The following MCC variants were observed in gnomAD, a reference collection of about 807,000 sequenced individuals.
MCC encodes colorectal mutant cancer protein.
MCC carries 90 observed loss-of-function variants against 116.2 expected under a neutral mutation model. That is an observed-to-expected ratio of 0.77 (90% CI 0.65 to 0.92). MCC has a LOEUF of 0.92. Among genes scored for constraint, MCC ranks in the 40% least tolerant of loss-of-function variants. The pLI is 0.00. For missense variants in MCC, 1,516 were observed against 1,312.2 expected (o/e 1.16, Z -2.40); for synonymous variants, 578 against 510.5 (o/e 1.13, Z -1.78).
intron 1 of MCC, among the ~76,000 whole-genome samples, chr5:113,405,006 T>G (rs992409423): frequency 2.0e-5 from 3 of 152,252 alleles, no homozygotes; most frequent in Non-Finnish European, 2.9e-5. Flanking sequence ...AGAAGCCTAC[T>G]CTGCCACTAA....
At chr5:113,274,784 G>A (rs1029831525) in intron 3 of MCC, among the ~76,000 whole-genome samples, 1 of 152,138 alleles carries the variant, frequency 6.6e-6, no homozygotes, top group African/African-American at 2.4e-5. Context: ...GGTGGGCTAT[G>A]GAATCACTAA....
chr5:113,294,596 C>A, intron 3 of MCC: 1 of 1,204,434 alleles, frequency 8.3e-7, no homozygotes, highest in Non-Finnish European at 1.0e-6. Context: ...CGAGCCATTG[C>A]TGCAGGAGGC....
intron 3 of MCC, among the ~76,000 whole-genome samples, chr5:113,278,839 CTCT>C (rs1256301407): frequency 6.6e-6 from 1 of 152,204 alleles, no homozygotes. Flanking sequence ...CAGCTGAATG[CTCT>C]TCTTGAAACC....
chr5:113,150,816 C>G (rs1175116908), intron 4 of MCC, among the ~76,000 whole-genome samples: 1 of 152,170 alleles, frequency 6.6e-6, no homozygotes, highest in East Asian at 1.9e-4. Flanking sequence ...AATCCCAGCA[C>G]TTTAGAAGGC....
chr5:113,338,144 T>A (rs1767915234), intron 3 of MCC, among the ~76,000 whole-genome samples: 1 of 152,146 alleles, frequency 6.6e-6, no homozygotes, highest in Admixed American at 6.5e-5. Flanking sequence ...TACTTTTCCA[T>A]TTGGTGAGGA....
At chr5:113,295,751 T>C (rs1462204552) in intron 3 of MCC, among the ~76,000 whole-genome samples, 1 of 152,182 alleles carries the variant, frequency 6.6e-6, no homozygotes, top group African/African-American at 2.4e-5. Flanking sequence ...ACTAGGATTT[T>C]TCTCTCCACA....
chr5:113,451,966 C>A (rs1295769600), intron 1 of MCC, among the ~76,000 whole-genome samples: 2 of 152,234 alleles, frequency 1.3e-5, no homozygotes, highest in Admixed American at 1.3e-4. Context: ...CTGGAATGAT[C>A]AAGATGGCTT....
At chr5:113,452,710 T>C (rs1038794049) in intron 1 of MCC, among the ~76,000 whole-genome samples, 1 of 152,244 alleles carries the variant, frequency 6.6e-6, no homozygotes, top group Non-Finnish European at 1.5e-5. Flanking sequence ...CAGAAGGGCA[T>C]AGTTGGAACT....
At chr5:113,240,353 G>C (rs184405434) in intron 3 of MCC, among the ~76,000 whole-genome samples, 1 of 152,282 alleles carries the variant, frequency 6.6e-6, no homozygotes, top group Non-Finnish European at 1.5e-5. Context: ...AAACTAATTT[G>C]AAGTCCGTTT....
At chr5:113,164,620 G>A (rs746262585) in intron 3 of MCC, among the ~76,000 whole-genome samples, 2 of 152,210 alleles carry the variant, frequency 1.3e-5, no homozygotes, top group Non-Finnish European at 2.9e-5. Context: ...ACCGAGATAG[G>A]TGCTACAATG....
intron 1 of MCC, among the ~76,000 whole-genome samples, chr5:113,432,357 A>C (rs1770684882): frequency 6.6e-6 from 1 of 151,876 alleles, no homozygotes; most frequent in African/African-American, 2.4e-5. Flanking sequence ...AAGAAAAAAA[A>C]ACAGCTAACA....
At chr5:113,289,543 C>A (rs1766404782) in intron 3 of MCC, among the ~76,000 whole-genome samples, 2 of 152,060 alleles carry the variant, frequency 1.3e-5, no homozygotes, top group Non-Finnish European at 2.9e-5. Flanking sequence ...GATCCTGTGC[C>A]CGTTTCACTT....
At chr5:113,153,820 A>C (rs1760022901) in intron 3 of MCC, among the ~76,000 whole-genome samples, 1 of 152,196 alleles carries the variant, frequency 6.6e-6, no homozygotes, top group Non-Finnish European at 1.5e-5. Flanking sequence ...AGTGGGGAAA[A>C]GAACTTTGGT....
intron 3 of MCC, among the ~76,000 whole-genome samples, chr5:113,202,346 G>A (rs1762720555): frequency 1.3e-5 from 2 of 152,120 alleles, no homozygotes; most frequent in Admixed American, 1.3e-4. Context: ...CTTAGGCCAA[G>A]CAGCCACTCT....
At chr5:113,152,936 A>G (rs1374154360) in intron 3 of MCC, among the ~76,000 whole-genome samples, 1 of 152,194 alleles carries the variant, frequency 6.6e-6, no homozygotes, top group African/African-American at 2.4e-5. Flanking sequence ...TTTCAGATAC[A>G]ACGTTTTGTG....
intron 7 of MCC, among the ~76,000 whole-genome samples, chr5:113,102,624 T>A (rs986846901): frequency 2.0e-5 from 3 of 152,220 alleles, no homozygotes. Context: ...CACATAGTTT[T>A]AAAAAATTCA....
In MCC at chr5:113,365,825, A is replaced by G. The variant is rs112011819; in HGVS notation, c.415+19143T>C. On this transcript the variant is annotated intron_variant, in intron 2 of 18. Transcript: ENST00000408903. Reference sequence around the variant, plus strand: ...AGCCAGCACTTCATATCCAGAAGGAAGAGAGAGAGCAGGGAGGTGTTACAT... The same window carrying G: ...AGCCAGCACTTCATATCCAGAAGGAGGAGAGAGAGCAGGGAGGTGTTACAT... Among the ~76,000 whole-genome samples the G allele has an allele frequency of 2.5e-3, 386 of 152,282 alleles. 3 individuals carry two copies. Among genetic ancestry groups the G allele is most frequent in the African/African-American group, 8.7e-3 (361 of 41,558 alleles).
At position 113,248,309 on chromosome 5, in the gene MCC, T is replaced by G. The variant is rs191290646; in HGVS notation, c.627+92210A>C. ...AGCTTTACAACTCAGTAGTACAGTA[T>G]TAAATGCCCAAGGAATCAAAGTAAC... On this transcript the variant is annotated intron_variant, in intron 3 of 18. Transcript: ENST00000408903. Among the ~76,000 whole-genome samples the G allele has an allele frequency of 9.1e-4, 137 of 149,908 alleles. 1 individual carries two copies. Among genetic ancestry groups the G allele is most frequent in the Non-Finnish European group, 1.5e-3 (103 of 67,636 alleles).
At chr5:113,422,015 G>A (rs1025974390) in intron 1 of MCC, among the ~76,000 whole-genome samples, 31 of 152,172 alleles carry the variant, frequency 2.0e-4, no homozygotes, top group African/African-American at 6.5e-4. Flanking sequence ...GGTATTTGAA[G>A]GCCAGAGAAG....
Sources: gnomAD v4.1 joint callset for allele counts (sites outside exome capture counted in the v4.1 genomes callset) on GRCh38, gnomAD v4.1.1 for gene constraint, MANE v1.5 for transcripts, NCBI Gene and HGNC (gene_info 2026-07-23, HGNC 2026-07-21) for gene names.